SMC3: variants seen among roughly 807,000 people sequenced by gnomAD.
SMC3 encodes structural maintenance of chromosomes 3, also known as structural maintenance of chromosomes protein 3.
In SMC3, 20 loss-of-function variants were observed where a neutral mutation model predicts 171.8. The observed-to-expected ratio is 0.12, with a 90% CI of 0.08 to 0.17. SMC3 has a LOEUF of 0.17. Ranked by LOEUF, SMC3 falls within the 10% of genes least tolerant of loss-of-function variation. The probability of loss-of-function intolerance (pLI) is 1.00; values close to 1 mark genes in which losing one functional copy is unlikely to be tolerated. For missense variants in SMC3, 543 were observed against 1,420.4 expected, an observed-to-expected ratio of 0.38 and a Z score of 9.93; for synonymous variants, 464 against 451.1, an observed-to-expected ratio of 1.03 and a Z score of -0.36.
chr10:110,604,124 A>AT (rs1321476963), intron 28 of SMC3, 107 bp from the exon 29 acceptor site: 4 of 634,250 alleles, frequency 6.3e-6, no homozygotes, highest in Non-Finnish European at 1.1e-5. Flanking sequence ...AAAACTAAAA[A>AT]TTAAAAAATG....
In SMC3 at chr10:110,602,808, A is replaced by T. The variant is rs1008262112; in HGVS notation, c.3298-17A>T. ...TCTGCCCTTTAGGATATTAACTCAT[A>T]ATATGTTTATTTTTAGGTGTCATTT... On this transcript the variant is annotated splice_polypyrimidine_tract_variant and intron_variant, in intron 26 of 28. Coordinates refer to ENST00000361804, the MANE Select transcript of SMC3 (RefSeq NM_005445.4). The T allele has an allele frequency of 2.5e-6, 4 of 1,611,458 alleles. No homozygotes were observed. The highest frequency in any genetic ancestry group is 2.5e-6 in the Non-Finnish European group (3 of 1,177,692).
chr10:110,603,156 T>G (rs374431706), intron 27 of SMC3, 28 bp from the exon 28 acceptor site: 11 of 1,569,472 alleles, frequency 7.0e-6, no homozygotes, highest in Non-Finnish European at 9.6e-6. Context: ...GAAAAGAAAT[T>G]TGTTAAAGCA....
At position 110,604,823 on chromosome 10, in the gene SMC3, C is replaced by G. The variant is rs1861444665; in HGVS notation, c.*521C>G. The stretch of plus-strand genomic sequence containing the variant: ...TTTGGGAAGGGAAGCACAAAATCAG[C>G]CCCTACCATGGTATATTTATCATTG... On this transcript the variant is annotated 3_prime_UTR_variant, in exon 29 of 29. Transcript: ENST00000361804. Among the ~76,000 whole-genome samples the G allele has an allele frequency of 6.6e-6, 1 of 151,808 alleles. No individual in the cohort carries two copies. The highest frequency in any genetic ancestry group is 2.1e-4 in the South Asian group (1 of 4,824).
intron 18 of SMC3, among the ~76,000 whole-genome samples, chr10:110,596,035 C>T (rs907087867): frequency 4.2e-5 from 6 of 144,484 alleles, no homozygotes; most frequent in South Asian, 2.2e-4. Context: ...GGCAGGAGTT[C>T]GAGAACCGCC....
intron 20 of SMC3, among the ~76,000 whole-genome samples, chr10:110,598,719 T>C (rs1004165702): frequency 2.0e-5 from 3 of 152,098 alleles, no homozygotes; most frequent in African/African-American, 7.2e-5. Flanking sequence ...ACCCATACTT[T>C]TGGATATCTA....
chr10:110,584,158 T>C (rs1367703347), intron 12 of SMC3, 25 bp from the exon 13 acceptor site: 1 of 1,602,468 alleles, frequency 6.2e-7, no homozygotes, highest in Non-Finnish European at 8.6e-7. Context: ...CTCCTTTTCA[T>C]CCCATTTGCT....
chr10:110,602,712 G>T (rs376291347), intron 26 of SMC3, 47 bp downstream of exon 26: 4 of 1,574,728 alleles, frequency 2.5e-6, no homozygotes, highest in African/African-American at 2.7e-5. Flanking sequence ...TACCATAATA[G>T]AATTTATAGT....
intron 14 of SMC3, 77 bp from the exon 15 acceptor site, chr10:110,589,815 T>C: frequency 2.0e-6 from 3 of 1,509,050 alleles, no homozygotes; most frequent in Non-Finnish European, 2.8e-6. Flanking sequence ...TTTCTGTATT[T>C]TGATTCTAAA....
At chr10:110,599,591 A>G (rs1861356002) in intron 20 of SMC3, 63 bp from the exon 21 acceptor site, 1 of 1,469,578 alleles carries the variant, frequency 6.8e-7, no homozygotes, top group Admixed American at 2.0e-5. Context: ...GATTGTTTTA[A>G]AATTTTCACT....
In SMC3 at chr10:110,584,264, G is replaced by A. The variant is rs760943835; in HGVS notation, c.1173G>A (p.Arg391=). ...GCCAGTTTACATCAAAAGAAGAAAG[G>A]GATAAGTGGATTAAAAAGGAACTCA... ...RGSQFTSKEE[R]DKWIKKELKS... is the part of the protein sequence containing the mutation. Residue 391 remains arginine, a synonymous_variant, in exon 13 of 29, where the codon AGG becomes AGA. Transcript: ENST00000361804. The A allele has an allele frequency of 6.2e-7, 1 of 1,613,938 alleles. No homozygotes were observed. Among genetic ancestry groups the A allele is most frequent in the South Asian group, 1.1e-5 (1 of 91,070 alleles).
intron 7 of SMC3, among the ~76,000 whole-genome samples, chr10:110,579,283 T>C (rs1292811657): frequency 7.2e-5 from 11 of 152,162 alleles, no homozygotes; most frequent in East Asian, 1.9e-4. Context: ...TTTCTAGATA[T>C]GTATTGGAAA....
In SMC3 at chr10:110,567,756, C is replaced by A. The variant is rs370204751; in HGVS notation, c.-61C>A. ...GGGTCGCGTAGGCGCCTCACCTGAC[C>A]CTGCGGCCGTGCGGTTGCTGCTCCG... On this transcript the variant is annotated 5_prime_UTR_variant, in exon 1 of 29. Coordinates refer to ENST00000361804, the MANE Select transcript of SMC3 (RefSeq NM_005445.4). 69 of 1,608,218 alleles carry A rather than the reference C, an allele frequency of 4.3e-5. No homozygotes were observed. In the South Asian group the frequency reaches 7.4e-4, roughly 17 times the overall value.
intron 2 of SMC3, among the ~76,000 whole-genome samples, chr10:110,572,721 C>T (rs1860889707): frequency 6.6e-6 from 1 of 152,110 alleles, no homozygotes; most frequent in Non-Finnish European, 1.5e-5. Context: ...CTGCATTTAC[C>T]ATCTGTTGAT....
In SMC3 at chr10:110,589,587, T is replaced by C; in HGVS notation, c.1306-18T>C. 1 of 1,518,158 alleles carries C rather than the reference T, an allele frequency of 6.6e-7. No individual in the cohort carries two copies. Among genetic ancestry groups the C allele is most frequent in the South Asian group, 1.1e-5 (1 of 87,034 alleles). The allele number at this position is 1,518,158 out of a possible 1,614,324, so 94.0% of individuals were successfully genotyped here. ...AGTTTCATGAAATTGAATTTTAAATTTATTTTTATTTCCATAGAAACTGGA... is the reference window on the plus strand; with the variant it reads ...AGTTTCATGAAATTGAATTTTAAATCTATTTTTATTTCCATAGAAACTGGA... On this transcript the variant is annotated intron_variant, in intron 13 of 28. Transcript: ENST00000361804.
chr10:110,604,798 T>C lies in SMC3; in HGVS notation c.*496T>C, dbSNP rs1861444474. Among the ~76,000 whole-genome samples the C allele has an allele frequency of 6.6e-6, 1 of 152,164 alleles. No homozygotes were observed. Among genetic ancestry groups the C allele is most frequent in the Non-Finnish European group, 1.5e-5 (1 of 68,006 alleles). Reference sequence around the variant, plus strand: ...GAGGGTTAGGACTTCAACATGTGAGTTTGGGAAGGGAAGCACAAAATCAGC... The same window carrying C: ...GAGGGTTAGGACTTCAACATGTGAGCTTGGGAAGGGAAGCACAAAATCAGC... On this transcript the variant is annotated 3_prime_UTR_variant, in exon 29 of 29. Coordinates refer to ENST00000361804, the MANE Select transcript of SMC3 (RefSeq NM_005445.4).
At chr10:110,597,514 G>T (rs1316868535) in intron 19 of SMC3, among the ~76,000 whole-genome samples, 2 of 152,202 alleles carry the variant, frequency 1.3e-5, no homozygotes, top group Admixed American at 1.3e-4. Flanking sequence ...TAAAACTGCA[G>T]ATTTATAACT....
chr10:110,596,303 C>G lies in SMC3; in HGVS notation c.1964-95C>G. 4 of 1,100,902 alleles carry G rather than the reference C, an allele frequency of 3.6e-6. No individual in the cohort carries two copies. In the South Asian group the frequency reaches 5.4e-5, roughly 15 times the overall value. The allele number at this position is 1,100,902 out of a possible 1,614,324, so 68.2% of individuals were successfully genotyped here. A position where few individuals can be genotyped will look rare whatever the true frequency, so the allele number is the denominator to read the frequency against. Reference sequence around the variant, plus strand: ...TTAAATTACTTTCAATTCTCATTATCTACTTAAAGCCTGTAGGTTAGTTTT... The same window carrying G: ...TTAAATTACTTTCAATTCTCATTATGTACTTAAAGCCTGTAGGTTAGTTTT... On this transcript the variant is annotated intron_variant, in intron 18 of 28. Transcript: ENST00000361804.
At chr10:110,568,799 A>G (rs1325887725) in intron 1 of SMC3, 139 bp from the exon 2 acceptor site, 5 of 633,002 alleles carry the variant, frequency 7.9e-6, no homozygotes, top group African/African-American at 1.9e-5. Context: ...TTTAATCACC[A>G]CTTTCCAAAA....
rs936880443 is a variant in SMC3, at chr10:110,582,430, T to C, written c.724-132T>C. ...GCTTCAGTTTTCTAGTTTAAAATCA[T>C]TTTTAAAATTTTTGTAGAAAATTTG... is the stretch of plus-strand genomic sequence containing the variant. On this transcript the variant is annotated intron_variant, in intron 9 of 28. Transcript: ENST00000361804. The C allele has an allele frequency of 1.2e-5, 9 of 721,000 alleles. No homozygotes were observed. In the East Asian group the frequency reaches 2.5e-4, roughly 20 times the overall value. 44.7% of individuals were successfully genotyped at this position (721,000 alleles called of 1,614,324 possible). A position where few individuals can be genotyped will look rare whatever the true frequency, so the allele number is the denominator to read the frequency against.
Sources: gnomAD v4.1 joint callset for allele counts (sites outside exome capture counted in the v4.1 genomes callset) on GRCh38, gnomAD v4.1.1 for gene constraint, MANE v1.5 for transcripts, NCBI Gene and HGNC (gene_info 2026-07-23, HGNC 2026-07-21) for gene names.